The following CAMTA1 variants were observed in gnomAD, a reference collection of about 807,000 sequenced individuals.
The protein encoded by CAMTA1 is calmodulin-binding transcription activator 1.
Under a neutral mutation model 170.9 loss-of-function variants are expected in CAMTA1, and 27 were observed. That is an observed-to-expected ratio of 0.16 (90% CI 0.12 to 0.22). CAMTA1 has a LOEUF of 0.22. Among genes scored for constraint, CAMTA1 ranks in the 10% least tolerant of loss-of-function variants. The pLI, the probability that CAMTA1 is intolerant of heterozygous loss-of-function variation, is 1.00. For synonymous variants in CAMTA1, 833 were observed against 891.5 expected (o/e 0.93, Z 1.17); for missense variants, 1,619 against 2,217.2 (o/e 0.73, Z 5.42).
intron 3 of CAMTA1, among the ~76,000 whole-genome samples, chr1:6,910,931 G>A (rs545631610): frequency 1.6e-4 from 25 of 152,322 alleles, no homozygotes; most frequent in Admixed American, 1.3e-3. Context: ...TGGAAGTGGC[G>A]GGCAAGGAGT....
intron 4 of CAMTA1, among the ~76,000 whole-genome samples, chr1:7,207,876 C>A (rs1294207591): frequency 6.6e-6 from 1 of 152,250 alleles, no homozygotes; most frequent in South Asian, 2.1e-4. Context: ...TGCCCACTCA[C>A]CTCAGGTCCA....
chr1:7,152,021 TTGCAAA>T (rs1164692306), intron 4 of CAMTA1, among the ~76,000 whole-genome samples: 11 of 152,214 alleles, frequency 7.2e-5, no homozygotes, highest in Non-Finnish European at 1.6e-4. Context: ...GTTTGGTAAT[TTGCAAA>T]GTCACTTTCG....
intron 6 of CAMTA1, among the ~76,000 whole-genome samples, chr1:7,497,079 CAT>C (rs1478969448): frequency 6.6e-6 from 1 of 152,208 alleles, no homozygotes; most frequent in Non-Finnish European, 1.5e-5. Flanking sequence ...TTTCACTGAA[CAT>C]TAAACTCATC....
intron 4 of CAMTA1, among the ~76,000 whole-genome samples, chr1:7,213,997 C>T (rs1659285425): frequency 6.6e-6 from 1 of 152,148 alleles, no homozygotes; most frequent in African/African-American, 2.4e-5. Context: ...TTTTCTTAAT[C>T]CAGTCTATCA....
In CAMTA1 at chr1:7,325,993, G is replaced by A. The variant is rs1024902552; in HGVS notation, c.438+76367G>A. On this transcript the variant is annotated intron_variant, in intron 5 of 22. Transcript: ENST00000303635. The surrounding 1 kb of genome is among the most constrained non-coding windows in gnomAD (Gnocchi z 5.0). ...CATGCCTCAGCCTCCCAAGTAGCTG[G>A]GACTACAGGCGTGCGCCACCATGCC... is the stretch of plus-strand genomic sequence containing the variant. Among the ~76,000 whole-genome samples, 1 of 152,164 alleles carries A rather than the reference G, an allele frequency of 6.6e-6. No individual in the cohort carries two copies. The highest frequency in any genetic ancestry group is 2.4e-5 in the African/African-American group (1 of 41,446).
intron 3 of CAMTA1, among the ~76,000 whole-genome samples, chr1:6,847,910 A>C (rs1243929704): frequency 1.4e-5 from 2 of 147,764 alleles, no homozygotes; most frequent in Non-Finnish European, 3.0e-5. Flanking sequence ...ACGGGGTTTC[A>C]GCATGTTGGT....
intron 6 of CAMTA1, among the ~76,000 whole-genome samples, chr1:7,504,722 C>T (rs1373432449): frequency 2.0e-5 from 3 of 152,264 alleles, no homozygotes; most frequent in African/African-American, 7.2e-5. Context: ...TTTTTCCTAC[C>T]CTAGCAGTAA....
chr1:7,111,902 A>T (rs899630007), intron 4 of CAMTA1, among the ~76,000 whole-genome samples: 5 of 151,432 alleles, frequency 3.3e-5, no homozygotes, highest in Admixed American at 6.6e-5. Flanking sequence ...AAAAAAAAAA[A>T]AAAAAAAAAA....
intron 11 of CAMTA1, among the ~76,000 whole-genome samples, chr1:7,712,025 A>G (rs762675863): frequency 6.6e-6 from 1 of 152,250 alleles, no homozygotes; most frequent in Non-Finnish European, 1.5e-5. Context: ...ATTATAAAAC[A>G]TTGAACTACA....
intron 3 of CAMTA1, among the ~76,000 whole-genome samples, chr1:7,016,825 G>C (rs1441411751): frequency 4.0e-5 from 6 of 151,560 alleles, no homozygotes; most frequent in African/African-American, 1.5e-4. Flanking sequence ...GACAGAGCGA[G>C]CCTGTCTCAA....
chr1:7,566,107 C>G (rs2095038164), intron 6 of CAMTA1, among the ~76,000 whole-genome samples: 1 of 152,178 alleles, frequency 6.6e-6, no homozygotes, highest in Non-Finnish European at 1.5e-5. Flanking sequence ...ACAATTCAGC[C>G]ATAGCACCTT....
intron 3 of CAMTA1, chr1:6,871,841 G>A: frequency 2.7e-6 from 4 of 1,472,642 alleles, no homozygotes; most frequent in Middle Eastern, 1.9e-4. Flanking sequence ...CATTACCTTG[G>A]TAACCATTTC....
intron 6 of CAMTA1, among the ~76,000 whole-genome samples, chr1:7,539,354 G>T (rs11585303): frequency 4.4e-4 from 67 of 152,182 alleles, no homozygotes; most frequent in Non-Finnish European, 7.9e-4. Flanking sequence ...CTTTTCTTAT[G>T]GTGTCTGCAC....
At chr1:6,883,782 T>G (rs931263573) in intron 3 of CAMTA1, among the ~76,000 whole-genome samples, 4 of 152,150 alleles carry the variant, frequency 2.6e-5, no homozygotes, top group African/African-American at 9.7e-5. Context: ...ACAGTAGCAG[T>G]GTCAGTGAGT....
chr1:6,996,851 G>C (rs1439524038), intron 3 of CAMTA1, among the ~76,000 whole-genome samples: 2 of 152,062 alleles, frequency 1.3e-5, no homozygotes, highest in Non-Finnish European at 2.9e-5. Context: ...TTAAATGTTG[G>C]AAGGTTGGTC....
At chr1:7,491,118 C>T (rs2149694795) in intron 6 of CAMTA1, among the ~76,000 whole-genome samples, 1 of 152,314 alleles carries the variant, frequency 6.6e-6, no homozygotes, top group African/African-American at 2.4e-5. Flanking sequence ...TCTACCTCCA[C>T]ATCTGAACTC....
chr1:7,151,710 A>G (rs1195401366), intron 4 of CAMTA1, among the ~76,000 whole-genome samples: 1 of 152,150 alleles, frequency 6.6e-6, no homozygotes, highest in Non-Finnish European at 1.5e-5. Flanking sequence ...CCAGTCGAGG[A>G]CGGAGGACAT....
intron 11 of CAMTA1, among the ~76,000 whole-genome samples, chr1:7,717,564 A>G (rs1398734293): frequency 1.3e-5 from 2 of 151,956 alleles, no homozygotes; most frequent in Non-Finnish European, 2.9e-5. Context: ...TGGGCAACAT[A>G]GTGAAACCCT....
At chr1:7,630,105 C>T (rs1011257258) in intron 6 of CAMTA1, among the ~76,000 whole-genome samples, 4 of 152,148 alleles carry the variant, frequency 2.6e-5, no homozygotes, top group Admixed American at 6.5e-5. Flanking sequence ...AAGGCCAGCC[C>T]GGGCCCCCAC....
Sources: gnomAD v4.1 joint callset for allele counts (sites outside exome capture counted in the v4.1 genomes callset) on GRCh38, gnomAD v4.1.1 for gene constraint, Gnocchi (gnomAD v3.1) non-coding constraint, MANE v1.5 for transcripts, NCBI Gene and HGNC (gene_info 2026-07-23, HGNC 2026-07-21) for gene names.